UGT2B10: variants seen among roughly 807,000 people sequenced by gnomAD.
The protein encoded by UGT2B10 is UDP glucuronosyltransferase family 2 member B10, also known as UDP-glucuronosyltransferase 2B10.
A neutral mutation model predicts 43.7 loss-of-function variants in UGT2B10; 51 were observed. That is an observed-to-expected ratio of 1.17 (90% confidence interval 0.93 to 1.47). The LOEUF (loss-of-function observed/expected upper bound fraction) is 1.47. Among genes scored for constraint, UGT2B10 ranks in the 40% most tolerant of loss-of-function variants. The probability of loss-of-function intolerance (pLI) is 0.00; values close to 1 mark genes in which losing one functional copy is unlikely to be tolerated. For missense variants in UGT2B10, 696 were observed against 617.7 expected (o/e 1.13, Z -1.34); for synonymous variants, 225 against 209.0 (o/e 1.08, Z -0.66).
chr4:68,824,319 A>G (rs749894246), intron 3 of UGT2B10, among the ~76,000 whole-genome samples: 3 of 152,200 alleles, frequency 2.0e-5, no homozygotes, highest in Non-Finnish European at 4.4e-5. Flanking sequence ...GAAAAGGAAA[A>G]GGTGCAGATG....
rs180711472 is a variant in UGT2B10, at chr4:68,827,384, G to A, written c.1143G>A (p.Glu381=). The A allele has an allele frequency of 1.5e-4, 242 of 1,613,332 alleles. No homozygotes were observed. In the African/African-American group the frequency reaches 2.3e-3, roughly 15 times the overall value. The change falls in exon 5 of 6, where the codon GAG becomes GAA. Residue 381 remains glutamate (E), a synonymous_variant. Coordinates refer to ENST00000265403, the MANE Select transcript of UGT2B10 (RefSeq NM_001075.6). ...ATGGTGGAGCCAATGGCATCTATGAGGCAATCTACCATGGGATCCCTATGG... is the reference window on the plus strand; with the variant it reads ...ATGGTGGAGCCAATGGCATCTATGAAGCAATCTACCATGGGATCCCTATGG... ...ITHGGANGIY[E]AIYHGIPMVG...
chr4:68,822,787 T>C (rs1206236598), intron 3 of UGT2B10, among the ~76,000 whole-genome samples: 2 of 152,190 alleles, frequency 1.3e-5, no homozygotes, highest in South Asian at 2.1e-4. Context: ...ATGTAGTCTT[T>C]AGAATGACTT....
Position 68,818,049 on chromosome 4 carries a change from G to T in UGT2B10, c.739G>T (p.Glu247Ter). Residue 247 changes from glutamate (E) to a stop codon, truncating the protein, a stop_gained, in exon 2 of 6, where the codon GAG becomes TAG. Transcript: ENST00000265403. LOFTEE classifies it high-confidence loss of function. ...ATCAGGAAGACCCACTACATTATCT[G>T]AGACAATGAGGAAAGCTGACATATG... Reference protein sequence around the residue: ...EVLGRPTTLSETMRKADIWLM... With the variant: ...EVLGRPTTLS 1.9e-6 allele frequency: 3 copies of T among 1,610,538 alleles called. No individual in the cohort carries two copies. The South Asian group carries it at 3.3e-5, about 18-fold the overall frequency.
At chr4:68,823,187 G>T (rs1737597146) in intron 3 of UGT2B10, among the ~76,000 whole-genome samples, 1 of 152,086 alleles carries the variant, frequency 6.6e-6, no homozygotes, top group Non-Finnish European at 1.5e-5. Context: ...GGAGTAAAAA[G>T]AATGAATTCC....
Position 68,822,309 on chromosome 4 carries a change from T to A in UGT2B10, c.906T>A (p.Gly302=). 1 of 1,613,288 alleles carries A rather than the reference T, an allele frequency of 6.2e-7. No homozygotes were observed. Among genetic ancestry groups the A allele is most frequent in the East Asian group, 2.2e-5 (1 of 44,838 alleles). ...EEFVQSSGEN[G]VVVFSLGSMV... is the part of the protein sequence containing the mutation. Reference sequence around the variant, plus strand: ...TTGTACAGAGCTCTGGAGAAAATGGTGTTGTGGTGTTTTCTCTGGGGTCAA... The same window carrying A: ...TTGTACAGAGCTCTGGAGAAAATGGAGTTGTGGTGTTTTCTCTGGGGTCAA... The change falls in exon 3 of 6, where the codon GGT becomes GGA. Residue 302 remains glycine, a synonymous_variant. Transcript: ENST00000265403.
chr4:68,826,498 G>A lies in UGT2B10; in HGVS notation c.1087+1G>A, dbSNP rs1737788513. On this transcript the variant is annotated splice_donor_variant, in intron 4 of 5. Transcript: ENST00000265403. LOFTEE classifies it high-confidence loss of function. ...TGGATACCCCAGAATGACCTTCTAGGTAACACTCTGGTGAACAATACTGGA... is the reference window on the plus strand; with the variant it reads ...TGGATACCCCAGAATGACCTTCTAGATAACACTCTGGTGAACAATACTGGA... 5.0e-6 allele frequency: 8 copies of A among 1,611,194 alleles called. No homozygotes were observed. The highest frequency in any genetic ancestry group is 4.0e-5 in the African/African-American group (3 of 74,712).
chr4:68,826,522 G>T, intron 4 of UGT2B10, 25 bp downstream of exon 4: 1 of 1,598,914 alleles, frequency 6.3e-7, no homozygotes, highest in South Asian at 1.1e-5. Context: ...AACAATACTG[G>T]ATATATTAGT....
intron 5 of UGT2B10, among the ~76,000 whole-genome samples, chr4:68,828,399 A>C (rs767004356): frequency 2.3e-4 from 35 of 151,748 alleles, no homozygotes; most frequent in Non-Finnish European, 4.0e-4. Context: ...GCCTTTGTGT[A>C]AGGAGGGTAT....
intron 2 of UGT2B10, among the ~76,000 whole-genome samples, chr4:68,821,450 G>A (rs10007687): frequency 0.095 from 14,487 of 152,182 alleles, 801 homozygotes; most frequent in Non-Finnish European, 0.13. Flanking sequence ...TTCCTCACAT[G>A]CAGTTAGAAA....
chr4:68,818,648 A>T (rs758432459), intron 2 of UGT2B10, among the ~76,000 whole-genome samples: 7 of 151,846 alleles, frequency 4.6e-5, no homozygotes, highest in Non-Finnish European at 1.0e-4. Context: ...AGAAAGCATC[A>T]GTGGAGATAA....
At chr4:68,827,661 G>A (rs1436998167) in intron 5 of UGT2B10, 113 bp downstream of exon 5, 1 of 1,494,324 alleles carries the variant, frequency 6.7e-7, no homozygotes, top group Non-Finnish European at 8.9e-7. Context: ...GAATTTAAAT[G>A]ATTTAACCAA....
At chr4:68,823,289 C>G (rs1737603490) in intron 3 of UGT2B10, among the ~76,000 whole-genome samples, 1 of 151,962 alleles carries the variant, frequency 6.6e-6, no homozygotes, top group African/African-American at 2.4e-5. Flanking sequence ...GGGCAGATCA[C>G]GAGGTCAGGA....
Position 68,818,152 on chromosome 4 carries a change from G to GC in UGT2B10, c.843dup (p.Lys282GlnfsTer8), listed in dbSNP as rs776020941. The GC allele has an allele frequency of 1.2e-6, 2 of 1,610,218 alleles. No homozygotes were observed. The highest frequency in any genetic ancestry group is 2.7e-5 in the African/African-American group (2 of 74,652). On this transcript the variant is annotated frameshift_variant, in exon 2 of 6. Coordinates refer to ENST00000265403, the MANE Select transcript of UGT2B10 (RefSeq NM_001075.6). LOFTEE classifies it high-confidence loss of function. ...GTTGATTTTGTTGGAGGACTCCACT[G>GC]CAAACCTGCCAAACCCCTACCTAAG...
rs756446413 is a variant in UGT2B10, at chr4:68,818,056, T to G, written c.746T>G (p.Met249Arg). ...LGRPTTLSET[M>R]RKADIWLMRN... ...AGACCCACTACATTATCTGAGACAA[T>G]GAGGAAAGCTGACATATGGCTTATG... is the stretch of plus-strand genomic sequence containing the variant. Residue 249 changes from methionine (M) to arginine (R), a missense_variant, in exon 2 of 6, where the codon ATG becomes AGG. Transcript: ENST00000265403. 4 of 1,610,986 alleles carry G rather than the reference T, an allele frequency of 2.5e-6. No homozygotes were observed. The South Asian group carries it at 4.4e-5, about 18-fold the overall frequency.
intron 4 of UGT2B10, 101 bp from the exon 5 acceptor site, chr4:68,827,228 T>C: frequency 6.4e-7 from 1 of 1,568,376 alleles, no homozygotes; most frequent in Non-Finnish European, 8.7e-7. Flanking sequence ...AGCAAATTAG[T>C]TCAGTGTGTT....
intron 3 of UGT2B10, 131 bp downstream of exon 3, chr4:68,822,533 A>G (rs2109692545): frequency 1.3e-6 from 2 of 1,553,766 alleles, no homozygotes; most frequent in African/African-American, 1.4e-5. Context: ...ATATGCTTGT[A>G]TAGCATCCAC....
At chr4:68,820,819 T>G (rs1471230125) in intron 2 of UGT2B10, among the ~76,000 whole-genome samples, 1 of 152,076 alleles carries the variant, frequency 6.6e-6, no homozygotes, top group Non-Finnish European at 1.5e-5. Context: ...TTTAAAAAAC[T>G]TTTCTTACTG....
intron 1 of UGT2B10, among the ~76,000 whole-genome samples, chr4:68,817,193 A>G (rs116316883): frequency 0.02 from 3,085 of 151,846 alleles, 120 homozygotes; most frequent in African/African-American, 0.07. Context: ...TTCCCATGTT[A>G]CCAGGAGGTT....
intron 5 of UGT2B10, among the ~76,000 whole-genome samples, chr4:68,830,380 C>T (rs1738026119): frequency 6.6e-6 from 1 of 151,348 alleles, no homozygotes. Flanking sequence ...ACTTTCTCAC[C>T]TGACTTTCCT....
Sources: gnomAD v4.1 joint callset for allele counts (sites outside exome capture counted in the v4.1 genomes callset) on GRCh38, gnomAD v4.1.1 for gene constraint, MANE v1.5 for transcripts, NCBI Gene and HGNC (gene_info 2026-07-23, HGNC 2026-07-21) for gene names.